FTO: variants seen among roughly 807,000 people sequenced by gnomAD.
FTO encodes the protein alpha-ketoglutarate-dependent dioxygenase FTO.
In FTO, 47 loss-of-function variants were observed where a neutral mutation model predicts 63.9. The ratio of observed to expected loss-of-function variants is 0.74; its 90% confidence interval spans 0.58 to 0.94. FTO has a LOEUF of 0.94. Ranked by LOEUF, FTO falls within the 40% of genes least tolerant of loss-of-function variation. The probability of loss-of-function intolerance (pLI) is 0.00; values close to 1 mark genes in which losing one functional copy is unlikely to be tolerated. For missense variants in FTO, 562 were observed against 618.1 expected, an observed-to-expected ratio of 0.91 and a Z score of 0.96; for synonymous variants, 207 against 224.4, an observed-to-expected ratio of 0.92 and a Z score of 0.69.
At chr16:53,759,709 A>G (rs1224514783) in intron 1 of FTO, among the ~76,000 whole-genome samples, 1 of 151,026 alleles carries the variant, frequency 6.6e-6, no homozygotes, top group African/African-American at 2.4e-5. Context: ...AAAAAAAAAA[A>G]AAAAAAAGAA....
At chr16:53,886,111 T>C (rs16952622) in intron 6 of FTO, among the ~76,000 whole-genome samples, 6,068 of 152,296 alleles carry the variant, frequency 0.04, 355 homozygotes, top group African/African-American at 0.13. Flanking sequence ...GAAGGCATTA[T>C]TTATTAAAAT....
Position 54,121,647 on chromosome 16 carries a change from C to T in FTO, c.*9732C>T, listed in dbSNP as rs1567584322. 6.6e-5 allele frequency: 10 copies of T among 152,144 alleles called. No individual in the cohort carries two copies. 9.4% of individuals were successfully genotyped at this position (152,144 alleles called of 1,614,324 possible). On this transcript the variant is annotated 3_prime_UTR_variant, in exon 9 of 9. Coordinates refer to ENST00000471389, the MANE Select transcript of FTO (RefSeq NM_001080432.3). ...GAATCTTTTTCCAGCACTCCTGAGC[C>T]CTTCGGGTCGCGGAACAGTGCGAAG...
chr16:53,793,229 C>T (rs917725738), intron 1 of FTO, among the ~76,000 whole-genome samples: 1 of 152,078 alleles, frequency 6.6e-6, no homozygotes, highest in South Asian at 2.1e-4. Context: ...TATAAACCAC[C>T]CTTCCCCAAA....
At chr16:53,900,249 T>A (rs1432529725) in intron 7 of FTO, among the ~76,000 whole-genome samples, 1 of 152,184 alleles carries the variant, frequency 6.6e-6, no homozygotes, top group Non-Finnish European at 1.5e-5. Context: ...ATTAGTTGAG[T>A]TAATTAAGCA....
intron 1 of FTO, among the ~76,000 whole-genome samples, chr16:53,734,733 G>C (rs147631520): frequency 5.3e-5 from 8 of 152,342 alleles, no homozygotes; most frequent in Admixed American, 3.9e-4. Context: ...CAGCACGTTG[G>C]CTTTTTCGTC....
chr16:53,889,306 A>G (rs1176279018), intron 7 of FTO, among the ~76,000 whole-genome samples: 2 of 152,280 alleles, frequency 1.3e-5, no homozygotes, highest in Middle Eastern at 3.4e-3. Flanking sequence ...CAGCAATGCT[A>G]AGAGGTATAG....
At chr16:53,808,823 A>G (rs1410110032) in intron 1 of FTO, among the ~76,000 whole-genome samples, 3 of 152,188 alleles carry the variant, frequency 2.0e-5, no homozygotes, top group African/African-American at 7.2e-5. Flanking sequence ...TATAAATGTG[A>G]CTTACTGGCT....
chr16:53,783,484 T>A (rs2077641490), intron 1 of FTO, among the ~76,000 whole-genome samples: 1 of 151,508 alleles, frequency 6.6e-6, no homozygotes, highest in South Asian at 2.1e-4. Flanking sequence ...GGCGGGCGCC[T>A]GTAGTCCCAG....
chr16:53,794,894 A>T (rs2078020926), intron 1 of FTO, among the ~76,000 whole-genome samples: 1 of 152,190 alleles, frequency 6.6e-6, no homozygotes, highest in South Asian at 2.1e-4. Flanking sequence ...AAAATGCAAT[A>T]CCAAAATACT....
intron 1 of FTO, among the ~76,000 whole-genome samples, chr16:53,795,082 C>T (rs1192791755): frequency 2.6e-5 from 4 of 152,004 alleles, no homozygotes; most frequent in Non-Finnish European, 5.9e-5. Context: ...TTTAAAAATA[C>T]TCCCAAGATA....
intron 5 of FTO, among the ~76,000 whole-genome samples, chr16:53,875,577 G>A (rs1364675416): frequency 6.6e-6 from 1 of 152,174 alleles, no homozygotes; most frequent in African/African-American, 2.4e-5. Flanking sequence ...AACAACTAAA[G>A]TTCACTGTGT....
chr16:53,858,468 A>T (rs542204172), intron 4 of FTO, among the ~76,000 whole-genome samples: 4 of 152,238 alleles, frequency 2.6e-5, no homozygotes, highest in Non-Finnish European at 5.9e-5. Context: ...CCAAAATAAA[A>T]TTTTTCCATG....
At chr16:53,908,265 C>T (rs1362414915) in intron 7 of FTO, among the ~76,000 whole-genome samples, 4 of 152,312 alleles carry the variant, frequency 2.6e-5, no homozygotes, top group African/African-American at 9.6e-5. Flanking sequence ...TCTAAAATGT[C>T]CAACCATTGC....
At chr16:54,021,008 AC>A (rs1162869968) in intron 8 of FTO, among the ~76,000 whole-genome samples, 1 of 152,162 alleles carries the variant, frequency 6.6e-6, no homozygotes, top group Non-Finnish European at 1.5e-5. Flanking sequence ...AGGTTATGGC[AC>A]CAAGAATAAC....
intron 3 of FTO, among the ~76,000 whole-genome samples, chr16:53,840,125 G>A (rs2079432244): frequency 6.6e-6 from 1 of 151,866 alleles, no homozygotes; most frequent in Non-Finnish European, 1.5e-5. Flanking sequence ...TTTTAATTTT[G>A]TGTGGACTTC....
At chr16:53,944,982 T>C (rs549958018) in intron 8 of FTO, among the ~76,000 whole-genome samples, 1 of 152,162 alleles carries the variant, frequency 6.6e-6, no homozygotes, top group Non-Finnish European at 1.5e-5. Flanking sequence ...TGCTCTGTGC[T>C]CAGCAGTGTC....
intron 3 of FTO, among the ~76,000 whole-genome samples, chr16:53,840,244 G>GC (rs1225876030): frequency 6.6e-6 from 1 of 151,012 alleles, no homozygotes; most frequent in Non-Finnish European, 1.5e-5. Context: ...AATCATTAGT[G>GC]CCCCCCTAGA....
chr16:53,935,335 A>T (rs1487281126), intron 8 of FTO, among the ~76,000 whole-genome samples: 1 of 152,230 alleles, frequency 6.6e-6, no homozygotes, highest in Non-Finnish European at 1.5e-5. Context: ...TATCATAAAA[A>T]TAAGTTTGTC....
intron 1 of FTO, among the ~76,000 whole-genome samples, chr16:53,735,591 C>T (rs1567940742): frequency 6.6e-6 from 1 of 152,192 alleles, no homozygotes; most frequent in East Asian, 1.9e-4. Flanking sequence ...AACAAATCTG[C>T]TCTTAATGTG....
Sources: gnomAD v4.1 joint callset for allele counts (sites outside exome capture counted in the v4.1 genomes callset) on GRCh38, gnomAD v4.1.1 for gene constraint, MANE v1.5 for transcripts, NCBI Gene and HGNC (gene_info 2026-07-23, HGNC 2026-07-21) for gene names.